Variants in ASTN2 observed in about 807,000 individuals in gnomAD.
ASTN2 encodes astrotactin 2, also known as astrotactin-2.
ASTN2 carries 54 observed loss-of-function variants against 139.8 expected under a neutral mutation model. The ratio of observed to expected loss-of-function variants is 0.39; its 90% CI spans 0.31 to 0.48. The LOEUF is 0.48. Among genes scored for constraint, ASTN2 ranks in the 20% least tolerant of loss-of-function variants. The pLI is 0.95. For missense variants in ASTN2, 1,565 were observed against 1,725.1 expected (o/e 0.91, Z 1.64); for synonymous variants, 756 against 719.5 (o/e 1.05, Z -0.81).
At chr9:116,460,071 T>C (rs1009581956) in intron 20 of ASTN2, among the ~76,000 whole-genome samples, 2 of 152,120 alleles carry the variant, frequency 1.3e-5, no homozygotes, top group African/African-American at 4.8e-5. Context: ...TTACTTGCCA[T>C]AAAAAGGAAT....
chr9:116,594,571 C>T (rs1469272175), intron 19 of ASTN2, among the ~76,000 whole-genome samples: 3 of 152,262 alleles, frequency 2.0e-5, no homozygotes, highest in African/African-American at 4.8e-5. Flanking sequence ...CACTGACATT[C>T]GATTTTGCAG....
chr9:116,614,879 T>G (rs535760497), intron 19 of ASTN2, among the ~76,000 whole-genome samples: 23 of 152,306 alleles, frequency 1.5e-4, no homozygotes, highest in African/African-American at 5.5e-4. Context: ...AAATGGGATC[T>G]AATTAAACTA....
intron 1 of ASTN2, among the ~76,000 whole-genome samples, chr9:117,320,710 A>C (rs540499801): frequency 6.6e-6 from 1 of 152,246 alleles, no homozygotes; most frequent in Non-Finnish European, 1.5e-5. Flanking sequence ...CAGCACTGTC[A>C]CATGTGCTAA....
intron 1 of ASTN2, among the ~76,000 whole-genome samples, chr9:117,313,290 C>T (rs975857823): frequency 2.6e-5 from 4 of 152,152 alleles, no homozygotes; most frequent in South Asian, 2.1e-4. Context: ...CTGGCTCTTC[C>T]GTTTGGATTT....
intron 10 of ASTN2, among the ~76,000 whole-genome samples, chr9:116,885,010 T>C (rs1833558776): frequency 6.6e-6 from 1 of 151,774 alleles, no homozygotes; most frequent in Admixed American, 6.6e-5. Flanking sequence ...AGAGACAGGG[T>C]TTCACAAATT....
rs573297869 is a variant in ASTN2 at position 117,332,638 on chromosome 9, G to T, written c.443-41125C>A. Reference sequence around the variant, plus strand: ...CTATTTAACAGATGAGAAAATGAAGGCTTGGGGGCTTAAGTCACTTGCCTA... The same window carrying T: ...CTATTTAACAGATGAGAAAATGAAGTCTTGGGGGCTTAAGTCACTTGCCTA... On this transcript the variant is annotated intron_variant, in intron 1 of 22. Coordinates refer to ENST00000313400, the MANE Select transcript of ASTN2 (RefSeq NM_001365068.1). 2.6e-5 allele frequency among the ~76,000 whole-genome samples: 4 copies of T among 152,082 alleles called. No homozygotes were observed. In the South Asian group the frequency reaches 6.2e-4, roughly 24 times the overall value.
intron 19 of ASTN2, among the ~76,000 whole-genome samples, chr9:116,598,682 C>CTTAA (rs1281430036): frequency 6.6e-6 from 1 of 152,170 alleles, no homozygotes; most frequent in Non-Finnish European, 1.5e-5. Flanking sequence ...ATTAAATGAG[C>CTTAA]TTAACATGGC....
intron 1 of ASTN2, among the ~76,000 whole-genome samples, chr9:117,407,907 G>A (rs186424301): frequency 6.6e-6 from 1 of 152,216 alleles, no homozygotes; most frequent in East Asian, 1.9e-4. Flanking sequence ...CTCTGGAAAG[G>A]AAGCCTCCTC....
chr9:117,046,059 G>A (rs1838734325), intron 5 of ASTN2, among the ~76,000 whole-genome samples: 1 of 151,928 alleles, frequency 6.6e-6, no homozygotes, highest in Admixed American at 6.6e-5. Context: ...GGAGTGCAGT[G>A]GTGTGATCTT....
chr9:117,196,101 A>G (rs1000961538), intron 3 of ASTN2, among the ~76,000 whole-genome samples: 10 of 152,156 alleles, frequency 6.6e-5, no homozygotes, highest in Non-Finnish European at 1.3e-4. Flanking sequence ...CCAGCTCTGC[A>G]TCTTACTACA....
At chr9:116,940,844 C>T (rs1281708708) in intron 10 of ASTN2, among the ~76,000 whole-genome samples, 1 of 152,142 alleles carries the variant, frequency 6.6e-6, no homozygotes, top group Non-Finnish European at 1.5e-5. Flanking sequence ...AAGCTCTACT[C>T]ATGGTAAGTG....
At chr9:117,146,914 A>G (rs1830211014) in intron 3 of ASTN2, among the ~76,000 whole-genome samples, 1 of 152,184 alleles carries the variant, frequency 6.6e-6, no homozygotes, top group Admixed American at 6.5e-5. Context: ...GAATGTTCCT[A>G]ACTCAAAGAA....
intron 2 of ASTN2, among the ~76,000 whole-genome samples, chr9:117,258,597 A>G (rs1163405568): frequency 1.3e-5 from 2 of 152,066 alleles, no homozygotes; most frequent in Non-Finnish European, 2.9e-5. Flanking sequence ...GCTTGCTTGT[A>G]AAGGTCTGCT....
intron 10 of ASTN2, among the ~76,000 whole-genome samples, chr9:116,964,879 A>T (rs1203245110): frequency 6.6e-6 from 1 of 152,204 alleles, no homozygotes; most frequent in Non-Finnish European, 1.5e-5. Context: ...ACTTGTGGAT[A>T]AGACAGTTCC....
intron 19 of ASTN2, among the ~76,000 whole-genome samples, chr9:116,522,496 G>C (rs1850919413): frequency 6.6e-6 from 1 of 152,036 alleles, no homozygotes; most frequent in Admixed American, 6.6e-5. Context: ...TGATACATTG[G>C]ACTTTGGGGA....
intron 1 of ASTN2, among the ~76,000 whole-genome samples, chr9:117,305,905 G>C (rs949191507): frequency 1.3e-5 from 2 of 152,320 alleles, no homozygotes; most frequent in African/African-American, 4.8e-5. Flanking sequence ...GTCTGCAGCA[G>C]TGAATGTTGC....
intron 7 of ASTN2, among the ~76,000 whole-genome samples, chr9:116,990,533 AG>A (rs1455536748): frequency 4.6e-5 from 7 of 152,192 alleles, no homozygotes; most frequent in Middle Eastern, 3.4e-3. Flanking sequence ...AGCCTCCCAA[AG>A]TGTTTGGATA....
intron 16 of ASTN2, among the ~76,000 whole-genome samples, chr9:116,675,015 C>T (rs1219730595): frequency 6.6e-6 from 1 of 152,140 alleles, no homozygotes; most frequent in Non-Finnish European, 1.5e-5. Flanking sequence ...ACGCAGTGGG[C>T]AAGGTGAACC....
intron 3 of ASTN2, among the ~76,000 whole-genome samples, chr9:117,193,805 C>T (rs77720205): frequency 1.9e-3 from 292 of 152,296 alleles, no homozygotes; most frequent in East Asian, 0.013. Context: ...TTGCCCTGCA[C>T]GTGCTCCTGG....
Sources: gnomAD v4.1 joint callset for allele counts (sites outside exome capture counted in the v4.1 genomes callset) on GRCh38, gnomAD v4.1.1 for gene constraint, MANE v1.5 for transcripts, NCBI Gene and HGNC (gene_info 2026-07-23, HGNC 2026-07-21) for gene names.